Variants in MACF1 observed in about 807,000 individuals in gnomAD.
MACF1 encodes microtubule-actin cross-linking factor 1.
A neutral mutation model predicts 854.8 loss-of-function variants in MACF1; 193 were observed. The ratio of observed to expected loss-of-function variants is 0.23; its 90% CI spans 0.20 to 0.25. MACF1 has a LOEUF of 0.25. MACF1 is among the 10% of genes least tolerant of loss of function. The pLI is 1.00. For missense variants in MACF1, 7,722 were observed against 8,929.1 expected, an observed-to-expected ratio of 0.86 and a Z score of 5.45; for synonymous variants, 3,185 against 3,226.7, an observed-to-expected ratio of 0.99 and a Z score of 0.44.
chr1:39,139,828 G>A (rs1414143535), intron 2 of MACF1, among the ~76,000 whole-genome samples: 2 of 152,024 alleles, frequency 1.3e-5, no homozygotes, highest in African/African-American at 4.8e-5. Context: ...GTTTTCACAT[G>A]TATTAGCTCA....
intron 77 of MACF1, 48 bp downstream of exon 77, chr1:39,442,615 G>C (rs1290660906): frequency 6.2e-7 from 1 of 1,610,412 alleles, no homozygotes; most frequent in South Asian, 1.1e-5. Context: ...TTTGAGACCA[G>C]ATGCTGCCAC....
At chr1:39,151,711 T>C (rs1249062025) in intron 2 of MACF1, among the ~76,000 whole-genome samples, 1 of 152,232 alleles carries the variant, frequency 6.6e-6, no homozygotes, top group African/African-American at 2.4e-5. Context: ...TCCTTTTTGC[T>C]TTGCTTCTGT....
chr1:39,310,697 G>A (rs2148435371), intron 25 of MACF1, 134 bp from the exon 26 acceptor site: 1 of 914,032 alleles, frequency 1.1e-6, no homozygotes, highest in South Asian at 1.8e-5. Context: ...TTAGTATACA[G>A]TATGTGAAAT....
intron 60 of MACF1, 131 bp downstream of exon 60, chr1:39,423,031 G>A: frequency 2.7e-6 from 2 of 746,062 alleles, no homozygotes; most frequent in Non-Finnish European, 4.3e-6. Flanking sequence ...GTCCTGAAAA[G>A]AAAGGTGGAA....
chr1:39,374,137 G>T (rs774514492), intron 52 of MACF1, among the ~76,000 whole-genome samples: 123 of 152,028 alleles, frequency 8.1e-4, no homozygotes, highest in Non-Finnish European at 1.5e-3. Flanking sequence ...AGCTACTCAG[G>T]AGGCTGATGT....
chr1:39,088,789 A>T (rs1481284187), intron 2 of MACF1, among the ~76,000 whole-genome samples: 1 of 152,234 alleles, frequency 6.6e-6, no homozygotes, highest in Non-Finnish European at 1.5e-5. Context: ...ACATGGCTGT[A>T]CACTGCACAA....
chr1:39,286,982 A>G (rs1318716509), intron 14 of MACF1, among the ~76,000 whole-genome samples: 1 of 151,584 alleles, frequency 6.6e-6, no homozygotes, highest in Non-Finnish European at 1.5e-5. Context: ...TTTTTTTGAG[A>G]CAAGGTCTTG....
At chr1:39,420,019 A>G (rs1370663460) in intron 58 of MACF1, among the ~76,000 whole-genome samples, 3 of 152,186 alleles carry the variant, frequency 2.0e-5, no homozygotes, top group Non-Finnish European at 4.4e-5. Flanking sequence ...CTTGCTGCCA[A>G]GATGGATTTG....
chr1:39,201,513 C>T (rs920198574), upstream of MACF1, among the ~76,000 whole-genome samples: 13 of 151,974 alleles, frequency 8.6e-5, no homozygotes, highest in African/African-American at 2.2e-4. Flanking sequence ...CCACCACGCC[C>T]GGCTTATTTT....
chr1:39,361,060 C>A, intron 48 of MACF1, 59 bp downstream of exon 48: 2 of 1,427,628 alleles, frequency 1.4e-6, no homozygotes, highest in Non-Finnish European at 2.0e-6. Flanking sequence ...GCCATCATTA[C>A]ATAATGTTGA....
intron 35 of MACF1, among the ~76,000 whole-genome samples, chr1:39,325,996 G>A (rs1646602422): frequency 6.6e-6 from 1 of 152,156 alleles, no homozygotes; most frequent in Admixed American, 6.5e-5. Context: ...TAGTGTAGGA[G>A]CAGAAGAGAC....
chr1:39,275,596 A>C (rs566314762), intron 6 of MACF1, among the ~76,000 whole-genome samples: 2 of 151,202 alleles, frequency 1.3e-5, no homozygotes, highest in Admixed American at 1.3e-4. Flanking sequence ...GTAGGCGAGG[A>C]TGAAGAGTGA....
chr1:39,477,064 T>C (rs1420726007), intron 97 of MACF1, among the ~76,000 whole-genome samples: 2 of 18,442 alleles, frequency 1.1e-4, no homozygotes, highest in Admixed American at 6.7e-4. Flanking sequence ...TATATATATA[T>C]ATATATATAT....
rs1254005548 is a variant in MACF1, at chr1:39,335,922, T to C, written c.9334T>C (p.Leu3112=). 4.3e-6 allele frequency: 7 copies of C among 1,613,972 alleles called. No individual in the cohort carries two copies. Among genetic ancestry groups the C allele is most frequent in the South Asian group, 1.1e-5 (1 of 91,066 alleles). The change falls in exon 37 of 101, where the codon TTG becomes CTG. Residue 3112 remains leucine (L), a synonymous_variant. Transcript: ENST00000564288. ...FPCMTPRPEG[L]HYQESDGKAQ... is the part of the protein sequence containing the mutation. The stretch of plus-strand genomic sequence containing the variant: ...TTGTATGACCCCAAGACCTGAAGGA[T>C]TGCACTACCAGGAATCAGATGGAAA...
intron 23 of MACF1, among the ~76,000 whole-genome samples, chr1:39,307,034 C>T (rs1253948506): frequency 6.6e-6 from 1 of 151,682 alleles, no homozygotes; most frequent in Non-Finnish European, 1.5e-5. Context: ...GCCCCCATTT[C>T]CGGCTAATTT....
chr1:39,162,411 G>A (rs192112467), intron 2 of MACF1, among the ~76,000 whole-genome samples: 3 of 152,100 alleles, frequency 2.0e-5, no homozygotes, highest in Non-Finnish European at 4.4e-5. Flanking sequence ...TATTTCCTCT[G>A]CCTGGAATCC....
At chr1:39,432,768 G>A in intron 67 of MACF1, 114 bp downstream of exon 67, 3 of 1,187,808 alleles carry the variant, frequency 2.5e-6, no homozygotes, top group Non-Finnish European at 3.4e-6. Context: ...ATGGTAAATA[G>A]AAATTAATTT....
chr1:39,268,954 A>G (rs1645270086), intron 6 of MACF1: 1 of 1,286,668 alleles, frequency 7.8e-7, no homozygotes, highest in African/African-American at 1.5e-5. Context: ...ACCCCCCCAG[A>G]TATTTTGCTG....
rs758876584 is a variant in MACF1, at chr1:39,387,442, G to A, written c.14600G>A (p.Gly4867Glu). 6.2e-7 allele frequency: 1 copy of A among 1,614,122 alleles called. No individual in the cohort carries two copies. The highest frequency in any genetic ancestry group is 8.5e-7 in the Non-Finnish European group (1 of 1,180,036). ...GESLLLSVPP[G>E]EEKRTLQNQL... Reference sequence around the variant, plus strand: ...TCTCTACTTCTTTCTGTACCTCCTGGAGAAGAGAAAAGGACTCTACAAAAC... The same window carrying A: ...TCTCTACTTCTTTCTGTACCTCCTGAAGAAGAGAAAAGGACTCTACAAAAC... Residue 4867 changes from glycine to glutamate, a missense_variant, in exon 58 of 101, where the codon GGA (glycine) becomes GAA (glutamate). By Grantham distance (98) the Gly-to-Glu change is moderately conservative. This residue lies in a region of MACF1 where 2,807 missense variants were observed against 3,235.8 expected (regional missense o/e 0.87). Transcript: ENST00000564288.
Sources: gnomAD v4.1 joint callset for allele counts (sites outside exome capture counted in the v4.1 genomes callset) on GRCh38, gnomAD v4.1.1 for gene constraint, gnomAD v4.1.1 regional missense constraint, MANE v1.5 for transcripts, NCBI Gene and HGNC (gene_info 2026-07-23, HGNC 2026-07-21) for gene names.